Variants in KCTD1 observed in about 807,000 individuals in gnomAD.
KCTD1 encodes potassium channel tetramerization domain containing 1.
A neutral mutation model predicts 66.0 loss-of-function variants in KCTD1; 24 were observed. The ratio of observed to expected loss-of-function variants is 0.36; its 90% CI spans 0.26 to 0.51. The LOEUF (loss-of-function observed/expected upper bound fraction) is 0.51. Ranked by LOEUF, KCTD1 falls within the 20% of genes least tolerant of loss-of-function variation. KCTD1 has a pLI of 0.95. For missense variants in KCTD1, 943 were observed against 1,205.2 expected (o/e 0.78, Z 3.22); for synonymous variants, 511 against 517.2 (o/e 0.99, Z 0.16).
chr18:26,546,677 C>T, intron 1 of KCTD1, 51 bp downstream of exon 1: 1 of 1,505,676 alleles, frequency 6.6e-7, no homozygotes. Context: ...AAAAGTTAGT[C>T]CCGAAGTGGT....
chr18:26,481,849 G>T (rs1981664796), intron 2 of KCTD1, among the ~76,000 whole-genome samples: 1 of 152,146 alleles, frequency 6.6e-6, no homozygotes, highest in Non-Finnish European at 1.5e-5. Context: ...TGAAGCCCAG[G>T]CATCTGTATT....
At chr18:26,516,750 G>T (rs1440680833) in intron 1 of KCTD1, among the ~76,000 whole-genome samples, 1 of 152,132 alleles carries the variant, frequency 6.6e-6, no homozygotes, top group Non-Finnish European at 1.5e-5. Flanking sequence ...AAACAGTACT[G>T]ATGATGACAA....
Position 26,547,130 on chromosome 18 carries a change from G to C in KCTD1, c.1407C>G (p.Thr469=). ...ATLNSIAGIG[T]KLGSPAPQGC... ...CCTGCGGGGCGGGCGAGCCCAGCTT[G>C]GTGCCAATGCCCGCGATGCTGTTGA... The change falls in exon 1 of 5, where the codon ACC becomes ACG. Residue 469 remains threonine, a synonymous_variant. Transcript: ENST00000580059. 1 of 1,550,590 alleles carries C rather than the reference G, an allele frequency of 6.4e-7. No homozygotes were observed. The highest frequency in any genetic ancestry group is 8.7e-7 in the Non-Finnish European group (1 of 1,146,936).
intron 1 of KCTD1, among the ~76,000 whole-genome samples, chr18:26,611,054 C>G (rs1171700217): frequency 6.6e-6 from 1 of 152,032 alleles, no homozygotes; most frequent in Non-Finnish European, 1.5e-5. Context: ...CTATCTGGCT[C>G]TCTCTCTCTC....
chr18:26,636,003 G>T (rs1987715440), intron 1 of KCTD1, among the ~76,000 whole-genome samples: 1 of 152,148 alleles, frequency 6.6e-6, no homozygotes, highest in African/African-American at 2.4e-5. Flanking sequence ...GTGTGGGAGG[G>T]GTTGTTATGG....
intron 1 of KCTD1, among the ~76,000 whole-genome samples, chr18:26,570,063 G>T (rs1382805608): frequency 2.0e-5 from 3 of 151,932 alleles, no homozygotes; most frequent in Non-Finnish European, 2.9e-5. Flanking sequence ...GCACATGCCT[G>T]TAATCCCAGC....
rs1156524083 is a variant in KCTD1, at chr18:26,548,208, G to A, written c.329C>T (p.Ser110Leu). 6.6e-7 allele frequency: 1 copy of A among 1,506,346 alleles called. No individual in the cohort carries two copies. The highest frequency in any genetic ancestry group is 2.0e-5 in the Admixed American group (1 of 48,958). The allele number at this position is 1,506,346 out of a possible 1,614,324, so 93.3% of individuals were successfully genotyped here. A position where few individuals can be genotyped will look rare whatever the true frequency, so the allele number is the denominator to read the frequency against. The change falls in exon 1 of 5, where the codon TCG (serine) becomes TTG (leucine). Residue 110 changes from serine (S) to leucine (L), a missense_variant. Coordinates refer to ENST00000580059, the MANE Select transcript of KCTD1 (RefSeq NM_001142730.3). ...DWDEPLEPED[S>L]AGEELEPEPV... ...CTCGGGCTCCAGCTCCTCCCCGGCC[G>A]AGTCCTCGGGCTCCAGGGGCTCGTC...
chr18:26,471,359 C>T (rs972335883), intron 3 of KCTD1, among the ~76,000 whole-genome samples: 8 of 151,830 alleles, frequency 5.3e-5, no homozygotes, highest in Non-Finnish European at 8.8e-5. Context: ...GAACCTCCAC[C>T]GCCTATATAA....
intron 2 of KCTD1, among the ~76,000 whole-genome samples, chr18:26,479,365 G>A (rs1012189237): frequency 5.9e-5 from 9 of 152,138 alleles, no homozygotes; most frequent in Non-Finnish European, 1.2e-4. Context: ...AGGGCAGCAA[G>A]AAAGGCCCAG....
chr18:26,496,863 T>C (rs965025030), intron 2 of KCTD1, among the ~76,000 whole-genome samples: 1 of 152,072 alleles, frequency 6.6e-6, no homozygotes, highest in African/African-American at 2.4e-5. Flanking sequence ...CATGAAATAA[T>C]CATTGAGGAA....
At chr18:26,478,897 A>G (rs1201866072) in intron 2 of KCTD1, among the ~76,000 whole-genome samples, 1 of 152,258 alleles carries the variant, frequency 6.6e-6, no homozygotes, top group Non-Finnish European at 1.5e-5. Flanking sequence ...AGTCAACAAA[A>G]ATTTCTATAA....
chr18:26,624,651 G>A (rs1403558005), intron 1 of KCTD1, among the ~76,000 whole-genome samples: 2 of 152,252 alleles, frequency 1.3e-5, no homozygotes, highest in South Asian at 2.1e-4. Context: ...TGCTGCAGTG[G>A]CGGAGCCTTC....
chr18:26,656,316 C>T (rs1169873283), intron 1 of KCTD1, among the ~76,000 whole-genome samples: 1 of 152,228 alleles, frequency 6.6e-6, no homozygotes, highest in Non-Finnish European at 1.5e-5. Context: ...CGTCCCAGCG[C>T]CGCCCCCACC....
intron 1 of KCTD1, among the ~76,000 whole-genome samples, chr18:26,579,951 T>C (rs1337349312): frequency 4.6e-5 from 7 of 152,190 alleles, no homozygotes; most frequent in Non-Finnish European, 1.0e-4. Context: ...CTCATCTCTA[T>C]CTACTTAGCA....
rs554790375 is a variant in KCTD1, at chr18:26,547,142, C to A, written c.1395G>T (p.Ala465=). ...AVSIATLNSI[A]GIGTKLGSPA... is the part of the protein sequence containing the mutation. ...GCGAGCCCAGCTTGGTGCCAATGCCCGCGATGCTGTTGAGCGTGGCGATGG... is the reference window on the plus strand; with the variant it reads ...GCGAGCCCAGCTTGGTGCCAATGCCAGCGATGCTGTTGAGCGTGGCGATGG... The change falls in exon 1 of 5, where the codon GCG becomes GCT. Residue 465 remains alanine (A), a synonymous_variant. Transcript: ENST00000580059. The A allele has an allele frequency of 6.4e-7, 1 of 1,550,834 alleles. No individual in the cohort carries two copies. Among genetic ancestry groups the A allele is most frequent in the Admixed American group, 2.0e-5 (1 of 51,006 alleles).
chr18:26,632,589 A>G (rs548478644), upstream of KCTD1, among the ~76,000 whole-genome samples: 20 of 152,318 alleles, frequency 1.3e-4, no homozygotes, highest in African/African-American at 4.8e-4. Context: ...AGTTTTTAAA[A>G]AAATTAGAAT....
upstream of KCTD1, among the ~76,000 whole-genome samples, chr18:26,632,896 T>G (rs751612005): frequency 1.3e-5 from 2 of 152,134 alleles, no homozygotes; most frequent in Non-Finnish European, 2.9e-5. Flanking sequence ...ATATAGAAAT[T>G]TTATGTAATT....
chr18:26,513,541 C>G (rs1036546478), intron 1 of KCTD1, among the ~76,000 whole-genome samples: 3 of 152,234 alleles, frequency 2.0e-5, no homozygotes, highest in Admixed American at 6.5e-5. Flanking sequence ...TACCTAAACT[C>G]AGAACGTTTT....
upstream of KCTD1, among the ~76,000 whole-genome samples, chr18:26,644,766 A>AAGAG (rs538078418): frequency 1.5e-4 from 23 of 150,052 alleles, no homozygotes; most frequent in Middle Eastern, 6.9e-3. Context: ...AAAAAAAAAA[A>AAGAG]AGAGAGAGAG....
Sources: gnomAD v4.1 joint callset for allele counts (sites outside exome capture counted in the v4.1 genomes callset) on GRCh38, gnomAD v4.1.1 for gene constraint, MANE v1.5 for transcripts, NCBI Gene and HGNC (gene_info 2026-07-23, HGNC 2026-07-21) for gene names.